The following USP35 variants were observed in gnomAD, a reference collection of about 807,000 sequenced individuals.
The protein encoded by USP35 is ubiquitin carboxyl-terminal hydrolase 35.
Under a neutral mutation model 83.8 loss-of-function variants are expected in USP35, and 69 were observed. The ratio of observed to expected loss-of-function variants is 0.82; its 90% CI spans 0.68 to 1.01. The LOEUF is 1.01. USP35 is among the 50% of genes least tolerant of loss of function. The pLI is 0.00. For synonymous variants in USP35, 714 were observed against 589.5 expected (o/e 1.21, Z -3.06); for missense variants, 1,503 against 1,362.5 (o/e 1.10, Z -1.62).
intron 10 of USP35, among the ~76,000 whole-genome samples, chr11:78,213,207 T>G (rs1863867781): frequency 6.6e-6 from 1 of 152,150 alleles, no homozygotes; most frequent in Non-Finnish European, 1.5e-5. Context: ...GGACAGCTTC[T>G]GCCATGCTGT....
chr11:78,199,103 T>C lies in USP35; in HGVS notation c.807-492T>C, dbSNP rs140793918. On this transcript the variant is annotated intron_variant, in intron 3 of 10. Coordinates refer to ENST00000529308, the MANE Select transcript of USP35 (RefSeq NM_020798.4). ...AAAGTTGATGGAATATCCTGCTCAATGGTGAATACGACCTAAGTGTTAGCT... is the reference window on the plus strand; with the variant it reads ...AAAGTTGATGGAATATCCTGCTCAACGGTGAATACGACCTAAGTGTTAGCT... The C allele has an allele frequency of 5.6e-3, 955 of 170,280 alleles. 8 individuals are homozygous for C. The highest frequency in any genetic ancestry group is 0.021 in the African/African-American group (904 of 42,178). 10.5% of individuals were successfully genotyped at this position (170,280 alleles called of 1,614,324 possible).
chr11:78,197,275 G>C (rs1863183810), intron 2 of USP35, among the ~76,000 whole-genome samples: 1 of 151,730 alleles, frequency 6.6e-6, no homozygotes, highest in African/African-American at 2.4e-5. Flanking sequence ...GGTCAGGTGA[G>C]TTTGATAGAA....
the USP35 span, chr11:78,227,121 A>C: frequency 9.6e-7 from 1 of 1,042,846 alleles, no homozygotes; most frequent in South Asian, 1.3e-5. Flanking sequence ...GAGGCAAAGC[A>C]CTTTCTCTTT....
chr11:78,207,431 G>A, intron 7 of USP35, 99 bp from the exon 8 acceptor site: 1 of 1,187,010 alleles, frequency 8.4e-7, no homozygotes, highest in South Asian at 1.3e-5. Flanking sequence ...TGTCTGTTCT[G>A]CCTTTGGCCT....
At chr11:78,213,105 A>C (rs1361564794) in intron 10 of USP35, among the ~76,000 whole-genome samples, 1 of 152,208 alleles carries the variant, frequency 6.6e-6, no homozygotes, top group Non-Finnish European at 1.5e-5. Context: ...GGTGTCACCA[A>C]CATCAACTCC....
At chr11:78,220,613 A>G in the USP35 span, among the ~76,000 whole-genome samples, 1 of 152,150 alleles carries the variant, frequency 6.6e-6, no homozygotes, top group Non-Finnish European at 1.5e-5. Context: ...ACAATCCTGT[A>G]AGGTAGGTAT....
intron 5 of USP35, 127 bp from the exon 6 acceptor site, chr11:78,200,522 AG>A: frequency 1.5e-6 from 2 of 1,363,298 alleles, no homozygotes; most frequent in Non-Finnish European, 9.8e-7. Flanking sequence ...CATCTGGGTC[AG>A]GGGACAGTGG....
At chr11:78,231,025 C>A in the USP35 span, among the ~76,000 whole-genome samples, 2 of 152,146 alleles carry the variant, frequency 1.3e-5, no homozygotes, top group African/African-American at 2.4e-5. Context: ...ATAAAATAGG[C>A]AAGATACTAT....
the USP35 span, among the ~76,000 whole-genome samples, chr11:78,222,390 C>G: frequency 6.6e-6 from 1 of 152,032 alleles, no homozygotes; most frequent in South Asian, 2.1e-4. Flanking sequence ...CTTCAGATTC[C>G]AAATTATATA....
chr11:78,221,864 C>A, the USP35 span: 5 of 869,218 alleles, frequency 5.8e-6, no homozygotes, highest in East Asian at 5.0e-5. Context: ...CTGACCCTCA[C>A]ACACCCAGAC....
At chr11:78,199,447 T>C in intron 3 of USP35, 148 bp from the exon 4 acceptor site, 1 of 1,204,260 alleles carries the variant, frequency 8.3e-7, no homozygotes. Context: ...CCCAGCCATG[T>C]CTGGTTCAGC....
At chr11:78,213,594 G>A (rs1219052094) in intron 10 of USP35, 52 bp from the exon 11 acceptor site, 3 of 1,435,946 alleles carry the variant, frequency 2.1e-6, no homozygotes, top group Non-Finnish European at 2.7e-6. Flanking sequence ...GACTCACTCT[G>A]GCTTCAGGGT....
chr11:78,227,917 T>C, the USP35 span, among the ~76,000 whole-genome samples: 3 of 152,196 alleles, frequency 2.0e-5, no homozygotes, highest in Non-Finnish European at 4.4e-5. Flanking sequence ...AAGATCTCTT[T>C]CCAGAGACCT....
the USP35 span, among the ~76,000 whole-genome samples, chr11:78,226,249 G>C: frequency 1.3e-5 from 2 of 152,134 alleles, no homozygotes; most frequent in Admixed American, 6.5e-5. Context: ...ACTTCTCTGG[G>C]GCTAGCTCTG....
In USP35 at chr11:78,214,234, A is replaced by AGAGAGGCGGGGGGGGGGGGG. The variant is rs1275222810; in HGVS notation, c.*422_*423insAGAGGCGGGGGGGGGGGGGG. ...ACAGCAGGATCCAAGCCTTGCACAAAGGGGTGGGGGGGGCAGTGTCTCCTC... is the reference window on the plus strand; with the variant it reads ...ACAGCAGGATCCAAGCCTTGCACAAAGAGAGGCGGGGGGGGGGGGGGGGGTGGGGGGGGCAGTGTCTCCTC... On this transcript the variant is annotated 3_prime_UTR_variant, in exon 11 of 11. Transcript: ENST00000529308. 2 of 96,202 alleles carry AGAGAGGCGGGGGGGGGGGGG rather than the reference A, an allele frequency of 2.1e-5. No homozygotes were observed. The highest frequency in any genetic ancestry group is 1.0e-4 in the African/African-American group (2 of 19,656). 6.0% of individuals were successfully genotyped at this position (96,202 alleles called of 1,614,324 possible).
chr11:78,194,557 C>A (rs762154860), intron 1 of USP35, among the ~76,000 whole-genome samples: 1 of 152,140 alleles, frequency 6.6e-6, no homozygotes, highest in Non-Finnish European at 1.5e-5. Context: ...AATGGTTCTG[C>A]GCTCCAGGAG....
At chr11:78,203,100 G>C (rs1359863035) in intron 6 of USP35, among the ~76,000 whole-genome samples, 1 of 152,136 alleles carries the variant, frequency 6.6e-6, no homozygotes, top group East Asian at 1.9e-4. Context: ...ATCAGGGGAT[G>C]AGGGGAGTCT....
intron 3 of USP35, chr11:78,198,638 C>T (rs1863231861): frequency 1.0e-6 from 1 of 985,458 alleles, no homozygotes; most frequent in Middle Eastern, 5.2e-4. Context: ...CCATTCTTTC[C>T]ATCCCGTGTG....
chr11:78,232,912 G>A, the USP35 span, among the ~76,000 whole-genome samples: 1 of 152,166 alleles, frequency 6.6e-6, no homozygotes, highest in Non-Finnish European at 1.5e-5. Flanking sequence ...GGTACCTAAT[G>A]TAAAAGTGCT....
Sources: gnomAD v4.1 joint callset for allele counts (sites outside exome capture counted in the v4.1 genomes callset) on GRCh38, gnomAD v4.1.1 for gene constraint, MANE v1.5 for transcripts, NCBI Gene and HGNC (gene_info 2026-07-23, HGNC 2026-07-21) for gene names.